The following TXNRD1 variants were observed in gnomAD, a reference collection of about 807,000 sequenced individuals.
TXNRD1 encodes the protein thioredoxin reductase 1.
Under a neutral mutation model 80.3 loss-of-function variants are expected in TXNRD1, and 57 were observed. The observed-to-expected ratio is 0.71, with a 90% CI of 0.57 to 0.89. The LOEUF (loss-of-function observed/expected upper bound fraction) is 0.89. Ranked by LOEUF, TXNRD1 falls within the 40% of genes least tolerant of loss-of-function variation. The probability of loss-of-function intolerance (pLI) is 0.00; values close to 1 mark genes in which losing one functional copy is unlikely to be tolerated. For missense variants in TXNRD1, 730 were observed against 803.0 expected, an observed-to-expected ratio of 0.91 and a Z score of 1.10; for synonymous variants, 291 against 285.2, an observed-to-expected ratio of 1.02 and a Z score of -0.20.
intron 4 of TXNRD1, among the ~76,000 whole-genome samples, chr12:104,290,803 C>CATAAGTTT (rs1056643050): frequency 7.8e-6 from 1 of 127,734 alleles, no homozygotes; most frequent in Non-Finnish European, 1.6e-5. Context: ...TCACCTGTGC[C>CATAAGTTT]ATAAGTTTAC....
intron 3 of TXNRD1, among the ~76,000 whole-genome samples, chr12:104,279,596 C>T (rs1011070944): frequency 2.0e-5 from 3 of 152,054 alleles, no homozygotes; most frequent in African/African-American, 7.2e-5. Flanking sequence ...AGTAATAGAA[C>T]CTGGATTTGA....
chr12:104,340,548 C>T (rs1203711488), intron 16 of TXNRD1, among the ~76,000 whole-genome samples: 1 of 152,178 alleles, frequency 6.6e-6, no homozygotes, highest in East Asian at 1.9e-4. Context: ...TCCCTTGCCT[C>T]TTCTTCTGTC....
Position 104,258,027 on chromosome 12 carries a change from G to C in TXNRD1, c.252G>C (p.Lys84Asn). 6.5e-7 allele frequency: 1 copy of C among 1,548,170 alleles called. No individual in the cohort carries two copies. The highest frequency in any genetic ancestry group is 8.7e-7 in the Non-Finnish European group (1 of 1,145,934). ...TTTTCAACTTCTTCCAGGTAAAGAAGTTATTTAAATCTCTGTGTGTTCCTT... is the reference window on the plus strand; with the variant it reads ...TTTTCAACTTCTTCCAGGTAAAGAACTTATTTAAATCTCTGTGTGTTCCTT... Reference protein sequence around the residue: ...STCTRCTEVKKLFKSLCVPYF... With the variant: ...STCTRCTEVKNLFKSLCVPYF... The change falls in exon 3 of 17, where the codon AAG becomes AAC. Residue 84 changes from lysine to asparagine, a missense_variant. Physicochemically the swap from Lys to Asn is moderately conservative, Grantham distance 94 (BLOSUM62 0). Coordinates refer to ENST00000525566, the MANE Select transcript of TXNRD1 (RefSeq NM_001093771.3).
At chr12:104,242,960 G>A (rs1013069804) in intron 1 of TXNRD1, among the ~76,000 whole-genome samples, 1 of 152,156 alleles carries the variant, frequency 6.6e-6, no homozygotes, top group African/African-American at 2.4e-5. Flanking sequence ...TACAACTGTG[G>A]AGTGAGGCAA....
At chr12:104,327,900 C>G (rs564399459) in intron 13 of TXNRD1, among the ~76,000 whole-genome samples, 1 of 151,884 alleles carries the variant, frequency 6.6e-6, no homozygotes, top group Non-Finnish European at 1.5e-5. Flanking sequence ...GTGGCTCATG[C>G]CTGTAATCCC....
chr12:104,323,903 C>G (rs928894259), intron 10 of TXNRD1, among the ~76,000 whole-genome samples: 2 of 151,822 alleles, frequency 1.3e-5, no homozygotes, highest in Non-Finnish European at 2.9e-5. Context: ...GTGGACTATT[C>G]CTAGTAAAAT....
intron 1 of TXNRD1, among the ~76,000 whole-genome samples, chr12:104,230,600 G>A (rs1819707721): frequency 6.6e-6 from 1 of 152,236 alleles, no homozygotes; most frequent in East Asian, 1.9e-4. Context: ...TGTGCTTACT[G>A]TTTATCTTCT....
At chr12:104,241,842 T>C (rs1459195394) in intron 1 of TXNRD1, among the ~76,000 whole-genome samples, 1 of 151,900 alleles carries the variant, frequency 6.6e-6, no homozygotes, top group African/African-American at 2.4e-5. Flanking sequence ...CAGTGAAAAG[T>C]CTGATTTCTT....
Position 104,288,912 on chromosome 12 carries a change from C to G in TXNRD1, c.305-19C>G, listed in dbSNP as rs1229377397. The G allele has an allele frequency of 6.2e-7, 1 of 1,614,004 alleles. No homozygotes were observed. Among genetic ancestry groups the G allele is most frequent in the South Asian group, 1.1e-5 (1 of 91,080 alleles). ...GGAGAAGCACCTTACACGCTCCGCT[C>G]TGCTTTTGTGCCACACAGAGGACGG... On this transcript the variant is annotated intron_variant, in intron 3 of 16. Coordinates refer to ENST00000525566, the MANE Select transcript of TXNRD1 (RefSeq NM_001093771.3).
intron 16 of TXNRD1, among the ~76,000 whole-genome samples, chr12:104,340,026 G>A (rs1326335075): frequency 6.6e-6 from 1 of 152,206 alleles, no homozygotes; most frequent in Non-Finnish European, 1.5e-5. Flanking sequence ...GTTCATGGTT[G>A]CTTTTGTACA....
intron 3 of TXNRD1, among the ~76,000 whole-genome samples, chr12:104,268,123 G>A (rs2033573905): frequency 6.6e-6 from 1 of 151,470 alleles, no homozygotes; most frequent in Non-Finnish European, 1.5e-5. Flanking sequence ...CCAAAGTGCT[G>A]GGATTACAGG....
intron 1 of TXNRD1, among the ~76,000 whole-genome samples, chr12:104,232,051 A>G (rs796731911): frequency 3.9e-5 from 6 of 152,364 alleles, no homozygotes; most frequent in African/African-American, 1.2e-4. Context: ...TTAGTCTTAT[A>G]CTTGGCCTGA....
At chr12:104,296,992 C>A (rs905919430) in intron 4 of TXNRD1, among the ~76,000 whole-genome samples, 1 of 152,156 alleles carries the variant, frequency 6.6e-6, no homozygotes, top group Non-Finnish European at 1.5e-5. Context: ...GTCTGTAGAG[C>A]AATGTACTTA....
At chr12:104,336,552 TCTG>T (rs1250414554) in intron 15 of TXNRD1, among the ~76,000 whole-genome samples, 3 of 152,226 alleles carry the variant, frequency 2.0e-5, no homozygotes, top group Non-Finnish European at 2.9e-5. Context: ...GCTTTTGTTC[TCTG>T]CTATTTTATT....
chr12:104,333,888 G>A (rs2036045376), intron 14 of TXNRD1, among the ~76,000 whole-genome samples: 1 of 152,136 alleles, frequency 6.6e-6, no homozygotes, highest in Non-Finnish European at 1.5e-5. Flanking sequence ...CATTCACAGT[G>A]GATAACAAGA....
intron 4 of TXNRD1, chr12:104,304,690 T>C (rs553038165): frequency 1.9e-6 from 3 of 1,614,030 alleles, no homozygotes; most frequent in South Asian, 2.2e-5. Flanking sequence ...CAAACTCTTT[T>C]TCTCGTACTG....
Position 104,319,107 on chromosome 12 carries a change from A to G in TXNRD1, c.873+52A>G, listed in dbSNP as rs1004378593. 3.9e-6 allele frequency: 6 copies of G among 1,551,566 alleles called. No homozygotes were observed. The African/African-American group carries it at 8.4e-5, about 22-fold the overall frequency. On this transcript the variant is annotated intron_variant, in intron 8 of 16. Coordinates refer to ENST00000525566, the MANE Select transcript of TXNRD1 (RefSeq NM_001093771.3). ...TTTTTTTTTTCTTTTTTCTCTTTTT[A>G]AAAGCTTTGGTTAGAAAATGTTAAA...
intron 2 of TXNRD1, among the ~76,000 whole-genome samples, chr12:104,257,481 A>G (rs1486184509): frequency 7.2e-6 from 1 of 139,140 alleles, no homozygotes; most frequent in African/African-American, 2.8e-5. Context: ...ATCCTGGCTC[A>G]CTGCAACCTC....
chr12:104,268,039 CA>C (rs1382835624), intron 3 of TXNRD1, among the ~76,000 whole-genome samples: 7 of 150,998 alleles, frequency 4.6e-5, no homozygotes, highest in African/African-American at 1.7e-4. Flanking sequence ...TTAGTAGAGA[CA>C]GGGTTTCATC....
Sources: allele counts gnomAD v4.1 joint callset (sites outside exome capture counted in the v4.1 genomes callset), GRCh38; gene constraint gnomAD v4.1.1; transcripts MANE v1.5; gene names NCBI Gene and HGNC (gene_info 2026-07-23, HGNC 2026-07-21).